Variants in EHBP1L1 observed in about 807,000 individuals in gnomAD.
The protein encoded by EHBP1L1 is EH domain binding protein 1 like 1.
EHBP1L1 carries 122 observed loss-of-function variants against 151.1 expected under a neutral mutation model. The ratio of observed to expected loss-of-function variants is 0.81; its 90% CI spans 0.70 to 0.94. EHBP1L1 has a LOEUF of 0.94. Among genes scored for constraint, EHBP1L1 ranks in the 40% least tolerant of loss-of-function variants. The pLI is 0.00. For synonymous variants in EHBP1L1, 878 were observed against 810.1 expected (o/e 1.08, Z -1.42); for missense variants, 1,941 against 1,959.8 (o/e 0.99, Z 0.18).
At chr11:65,580,292 C>T (rs531950904) in intron 5 of EHBP1L1, 33 bp downstream of exon 5, 7 of 1,613,184 alleles carry the variant, frequency 4.3e-6, no homozygotes, top group Admixed American at 3.3e-5. Flanking sequence ...TGATCCTGGC[C>T]TGTGACCTCT....
Position 65,579,075 on chromosome 11 carries a change from C to A in EHBP1L1, c.105-3C>A. ...TTTCTCCCTCCCCTTCCCCCTCCCC[C>A]AGGCAGCCAGATAAGCTGGTGGTGG... On this transcript the variant is annotated splice_polypyrimidine_tract_variant and splice_region_variant and intron_variant, in intron 1 of 18. Transcript: ENST00000309295. 6.3e-7 allele frequency: 1 copy of A among 1,582,448 alleles called. No homozygotes were observed. Among genetic ancestry groups the A allele is most frequent in the Non-Finnish European group, 8.6e-7 (1 of 1,164,238 alleles).
chr11:65,577,822 A>G (rs1230518030), intron 1 of EHBP1L1, among the ~76,000 whole-genome samples: 1 of 152,190 alleles, frequency 6.6e-6, no homozygotes, highest in Non-Finnish European at 1.5e-5. Context: ...TTTGGCTCCA[A>G]ACCTCTGTGG....
chr11:65,589,110 G>A (rs1457887193), intron 12 of EHBP1L1, among the ~76,000 whole-genome samples: 1 of 152,196 alleles, frequency 6.6e-6, no homozygotes, highest in African/African-American at 2.4e-5. Flanking sequence ...GAATTCCATG[G>A]AAGAGGAGTC....
intron 11 of EHBP1L1, 191 bp downstream of exon 11, chr11:65,584,725 C>T (rs970876104): frequency 1.1e-5 from 11 of 1,027,190 alleles, no homozygotes; most frequent in Non-Finnish European, 1.5e-5. Context: ...CGTTTTTCCT[C>T]CCTTAGATGG....
At chr11:65,580,765 A>C (rs1425308962) in intron 6 of EHBP1L1, among the ~76,000 whole-genome samples, 5 of 152,092 alleles carry the variant, frequency 3.3e-5, no homozygotes, top group Admixed American at 6.5e-5. Flanking sequence ...GACCCAGGAC[A>C]GCTGGGTCAG....
chr11:65,583,360 T>C lies in EHBP1L1; in HGVS notation c.2688T>C (p.Ala896=). 1.2e-6 allele frequency: 2 copies of C among 1,613,576 alleles called. No homozygotes were observed. Among genetic ancestry groups the C allele is most frequent in the Non-Finnish European group, 1.7e-6 (2 of 1,179,732 alleles). ...VQEAETRVGS[A]LKYEALRAPV... ...AAGCAGAGACTAGAGTTGGGAGTGC[T>C]CTCAAATATGAGGCTTTAAGGGCCC... is the stretch of plus-strand genomic sequence containing the variant. The change falls in exon 9 of 19, where the codon GCT becomes GCC. Residue 896 remains alanine, a synonymous_variant. Coordinates refer to ENST00000309295, the MANE Select transcript of EHBP1L1 (RefSeq NM_001099409.3).
intron 3 of EHBP1L1, among the ~76,000 whole-genome samples, chr11:65,579,725 G>A (rs1204106283): frequency 6.6e-6 from 1 of 151,716 alleles, no homozygotes; most frequent in Non-Finnish European, 1.5e-5. Flanking sequence ...TACTTGGGAG[G>A]CTGAGGCACG....
chr11:65,583,073 G>C lies in EHBP1L1; in HGVS notation c.2401G>C (p.Val801Leu). Residue 801 changes from valine (V) to leucine (L), a missense_variant, in exon 9 of 19, where the codon GTT (valine) becomes CTT (leucine). Coordinates refer to ENST00000309295, the MANE Select transcript of EHBP1L1 (RefSeq NM_001099409.3). ...ADTTGIQVKE[V>L]GGSEVPEIAT... ...TACAACAGGGATCCAGGTGAAAGAG[G>C]TTGGGGGTTCAGAGGTTCCAGAGAT... 6.2e-7 allele frequency: 1 copy of C among 1,613,412 alleles called. No homozygotes were observed. Among genetic ancestry groups the C allele is most frequent in the Non-Finnish European group, 8.5e-7 (1 of 1,179,762 alleles).
chr11:65,576,184 C>A lies in EHBP1L1; in HGVS notation c.-119C>A. Reference sequence around the variant, plus strand: ...CGCGGTCCCGGGTCGGAGCCTGGGACACCTCCGCACGGACGGGGCGGGCGG... The same window carrying A: ...CGCGGTCCCGGGTCGGAGCCTGGGAAACCTCCGCACGGACGGGGCGGGCGG... On this transcript the variant is annotated 5_prime_UTR_variant, in exon 1 of 19. Coordinates refer to ENST00000309295, the MANE Select transcript of EHBP1L1 (RefSeq NM_001099409.3). 1.2e-6 allele frequency: 1 copy of A among 822,276 alleles called. No individual in the cohort carries two copies. The highest frequency in any genetic ancestry group is 4.0e-4 in the Middle Eastern group (1 of 2,484). The allele number at this position is 822,276 out of a possible 1,614,324, so 50.9% of individuals were successfully genotyped here.
At chr11:65,591,947 TC>T in intron 17 of EHBP1L1, 28 bp from the exon 18 acceptor site, 1 of 1,608,256 alleles carries the variant, frequency 6.2e-7, no homozygotes, top group Non-Finnish European at 8.5e-7. Flanking sequence ...GGCCCGCGCC[TC>T]CTGACGCTTA....
intron 12 of EHBP1L1, among the ~76,000 whole-genome samples, chr11:65,587,918 A>G (rs76853599): frequency 0.034 from 5,195 of 152,318 alleles, 296 homozygotes; most frequent in African/African-American, 0.12. Flanking sequence ...GTCAGTGCAC[A>G]TAAAGTGCTT....
intron 12 of EHBP1L1, among the ~76,000 whole-genome samples, chr11:65,587,062 C>A (rs1271448252): frequency 6.6e-6 from 1 of 152,138 alleles, no homozygotes; most frequent in Non-Finnish European, 1.5e-5. Context: ...GAGGAGGGGC[C>A]AGGCATGAGG....
rs752362522 is a variant in EHBP1L1, at chr11:65,582,095, C to G, written c.1423C>G (p.Pro475Ala). 13 of 1,607,806 alleles carry G rather than the reference C, an allele frequency of 8.1e-6. No homozygotes were observed. The highest frequency in any genetic ancestry group is 1.1e-5 in the Non-Finnish European group (13 of 1,177,158). Residue 475 changes from proline to alanine, a missense_variant, in exon 9 of 19, where the codon CCC (proline) becomes GCC (alanine). By Grantham distance (27) the Pro-to-Ala change is conservative. Coordinates refer to ENST00000309295, the MANE Select transcript of EHBP1L1 (RefSeq NM_001099409.3). ...GGGAGTCAGGACCAGGGATGAGGCT[C>G]CCTCAGGCCTGAGCCTGCCCCCAGC... ...RLGVRTRDEAPSGLSLPPAEP... is the reference protein window; with the variant it reads ...RLGVRTRDEAASGLSLPPAEP...
intron 1 of EHBP1L1, among the ~76,000 whole-genome samples, chr11:65,578,846 C>T (rs1042566553): frequency 6.6e-6 from 1 of 152,240 alleles, no homozygotes; most frequent in Non-Finnish European, 1.5e-5. Context: ...CCTGCCTGCC[C>T]ACACTGTCTG....
intron 1 of EHBP1L1, among the ~76,000 whole-genome samples, chr11:65,578,850 C>T (rs181795690): frequency 6.6e-6 from 1 of 152,374 alleles, no homozygotes; most frequent in East Asian, 1.9e-4. Context: ...CCTGCCCACA[C>T]TGTCTGGGCC....
intron 3 of EHBP1L1, among the ~76,000 whole-genome samples, 181 bp from the exon 4 acceptor site, chr11:65,579,755 A>C (rs1857503659): frequency 6.7e-6 from 1 of 148,360 alleles, no homozygotes. Context: ...TGAACCTGGG[A>C]GGCAGAGGTT....
In EHBP1L1 at chr11:65,591,777, ACCCACCC is replaced by A; in HGVS notation, c.4284-19_4284-13del. The A allele has an allele frequency of 2.2e-6, 1 of 456,276 alleles. No individual in the cohort carries two copies. Among genetic ancestry groups the A allele is most frequent in the Non-Finnish European group, 3.1e-6 (1 of 317,538 alleles). The allele number at this position is 456,276 out of a possible 1,614,324, so 28.3% of individuals were successfully genotyped here. On this transcript the variant is annotated splice_polypyrimidine_tract_variant and intron_variant, in intron 16 of 18. Coordinates refer to ENST00000309295, the MANE Select transcript of EHBP1L1 (RefSeq NM_001099409.3). The stretch of plus-strand genomic sequence containing the variant: ...TTTCCTGAACTGCCACCCCCCCGCC[ACCCACCC>A]CCCGCCACCTTCCAGCATGGAGGAG...
chr11:65,581,688 G>C lies in EHBP1L1; in HGVS notation c.1016G>C (p.Arg339Thr). The change falls in exon 9 of 19, where the codon AGG becomes ACG. Residue 339 changes from arginine to threonine, a missense_variant. Physicochemically the swap from Arg to Thr is moderately conservative, Grantham distance 71 (BLOSUM62 -1). Coordinates refer to ENST00000309295, the MANE Select transcript of EHBP1L1 (RefSeq NM_001099409.3). ...GAPPAGLGSA[R>T]ETQAQACPQE... ...CCTCCAGCAGGATTGGGCTCTGCTA[G>C]GGAGACCCAGGCCCAGGCATGCCCT... 1 of 1,575,668 alleles carries C rather than the reference G, an allele frequency of 6.3e-7. No individual in the cohort carries two copies. The highest frequency in any genetic ancestry group is 1.2e-5 in the South Asian group (1 of 86,330).
In EHBP1L1 at chr11:65,580,359, G is replaced by T; in HGVS notation, c.514G>T (p.Ala172Ser). The T allele has an allele frequency of 6.2e-7, 1 of 1,613,724 alleles. No homozygotes were observed. The highest frequency in any genetic ancestry group is 1.1e-5 in the South Asian group (1 of 91,086). Residue 172 changes from alanine to serine, a missense_variant, in exon 6 of 19, where the codon GCA (alanine) becomes TCA (serine). Coordinates refer to ENST00000309295, the MANE Select transcript of EHBP1L1 (RefSeq NM_001099409.3). ...CAGGGACGATGACATGCAGAGTCTC[G>T]CAAGCCTCATGAGTGTGAAGCCTAG... The part of the protein sequence containing the change: ...RATDDDMQSL[A>S]SLMSVKPSDV...
Sources: allele counts gnomAD v4.1 joint callset (sites outside exome capture counted in the v4.1 genomes callset), GRCh38; gene constraint gnomAD v4.1.1; transcripts MANE v1.5; gene names NCBI Gene and HGNC (gene_info 2026-07-23, HGNC 2026-07-21).